SORBS2: variants seen among roughly 807,000 people sequenced by gnomAD.
The protein encoded by SORBS2 is sorbin and SH3 domain-containing protein 2.
In SORBS2, 46 loss-of-function variants were observed where a neutral mutation model predicts 97.7. The ratio of observed to expected loss-of-function variants is 0.47; its 90% CI spans 0.37 to 0.60. SORBS2 has a LOEUF of 0.60. Among genes scored for constraint, SORBS2 ranks in the 20% least tolerant of loss-of-function variants. The pLI, the probability that SORBS2 is intolerant of heterozygous loss-of-function variation, is 0.00. For synonymous variants in SORBS2, 476 were observed against 473.4 expected, an observed-to-expected ratio of 1.01 and a Z score of -0.07; for missense variants, 1,316 against 1,282.3, an observed-to-expected ratio of 1.03 and a Z score of -0.40.
intron 1 of SORBS2, among the ~76,000 whole-genome samples, chr4:185,880,475 T>C (rs1477617430): frequency 2.0e-5 from 3 of 152,212 alleles, no homozygotes; most frequent in South Asian, 2.1e-4. Flanking sequence ...AGAAATAAAG[T>C]AATGAATGGT....
chr4:185,657,008 C>A (rs2097418201), upstream of SORBS2: 1 of 922,178 alleles, frequency 1.1e-6, no homozygotes, highest in Non-Finnish European at 1.3e-6. Context: ...ACATCTATTT[C>A]AAAAAACGAA....
chr4:185,818,618 A>G (rs2099194760), intron 1 of SORBS2, among the ~76,000 whole-genome samples: 1 of 152,048 alleles, frequency 6.6e-6, no homozygotes, highest in South Asian at 2.1e-4. Context: ...AGAGGTCAGG[A>G]GATCGAGACC....
intron 2 of SORBS2, among the ~76,000 whole-genome samples, chr4:185,738,267 C>T (rs2098700800): frequency 6.6e-6 from 1 of 152,160 alleles, no homozygotes; most frequent in Admixed American, 6.5e-5. Flanking sequence ...TGGCTGCTTT[C>T]GGGATTTTCT....
At chr4:185,706,978 AC>A (rs1562031184) in intron 2 of SORBS2, among the ~76,000 whole-genome samples, 3 of 152,146 alleles carry the variant, frequency 2.0e-5, no homozygotes, top group Admixed American at 1.3e-4. Context: ...ACACGTATGT[AC>A]ATGTTTCTTA....
intron 1 of SORBS2, among the ~76,000 whole-genome samples, chr4:185,825,907 T>G (rs2099199518): frequency 6.6e-6 from 1 of 152,208 alleles, no homozygotes; most frequent in African/African-American, 2.4e-5. Flanking sequence ...GGCTCAAGAC[T>G]TCCTCACTCG....
intron 1 of SORBS2, among the ~76,000 whole-genome samples, chr4:185,952,983 C>G (rs1270566224): frequency 6.6e-6 from 1 of 152,028 alleles, no homozygotes; most frequent in Non-Finnish European, 1.5e-5. Context: ...ACTTGTAGGT[C>G]TCTCTGTGGG....
intron 4 of SORBS2, chr4:185,677,160 T>A (rs1251393404): frequency 6.4e-7 from 1 of 1,551,732 alleles, no homozygotes; most frequent in Non-Finnish European, 8.7e-7. Flanking sequence ...AGATGCTGTG[T>A]GTGTCTCAGG....
intron 1 of SORBS2, among the ~76,000 whole-genome samples, chr4:185,831,360 G>A (rs1283916987): frequency 6.6e-6 from 1 of 152,182 alleles, no homozygotes; most frequent in Non-Finnish European, 1.5e-5. Context: ...ATGCCCAGAC[G>A]AGGCAGCTAT....
intron 1 of SORBS2, among the ~76,000 whole-genome samples, chr4:185,885,681 T>A (rs2099239037): frequency 6.6e-6 from 1 of 152,210 alleles, no homozygotes. Context: ...ATAAAATATA[T>A]AACAATGCAT....
chr4:185,956,073 G>A (rs35735801), intron 1 of SORBS2: 101,810 of 152,094 alleles, frequency 0.67, 34,429 homozygotes, highest in East Asian at 0.95. Context: ...TTTTAAAGCT[G>A]GCACTCAGCC....
At chr4:185,609,161 T>G (rs2096489989) in intron 12 of SORBS2, among the ~76,000 whole-genome samples, 1 of 152,152 alleles carries the variant, frequency 6.6e-6, no homozygotes, top group African/African-American at 2.4e-5. Context: ...TGTTAAGTCC[T>G]GTAGATGCTG....
chr4:185,916,941 C>A lies in SORBS2; in HGVS notation c.-338+39255G>T, dbSNP rs894860634. On this transcript the variant is annotated intron_variant, in intron 1 of 20. Transcript: ENST00000284776. ...GTAGCTACAGGATGGGGCTGGGTAC[C>A]AGAAAGACCAAGCCAGGATTAGAGG... 2.6e-5 allele frequency among the ~76,000 whole-genome samples: 4 copies of A among 152,186 alleles called. No homozygotes were observed. In the East Asian group the frequency reaches 7.7e-4, roughly 29 times the overall value.
intron 1 of SORBS2, among the ~76,000 whole-genome samples, chr4:185,779,648 T>C (rs1347871858): frequency 6.6e-6 from 1 of 152,180 alleles, no homozygotes; most frequent in Non-Finnish European, 1.5e-5. Flanking sequence ...AGGAAGTAAA[T>C]GTAGTTTTCC....
In SORBS2 at chr4:185,684,215, C is replaced by T. The variant is rs1401864021; in HGVS notation, c.-197-5393G>A. 6.6e-6 allele frequency among the ~76,000 whole-genome samples: 1 copy of T among 152,186 alleles called. No individual in the cohort carries two copies. The highest frequency in any genetic ancestry group is 1.9e-4 in the East Asian group (1 of 5,196). On this transcript the variant is annotated intron_variant, in intron 2 of 20. Coordinates refer to the SORBS2 transcript ENST00000284776. The surrounding 1 kb of genome is among the most constrained non-coding windows in gnomAD (Gnocchi z 4.2). ...ACAGAGATTTATTAAAAAGAGACCA[C>T]CTGAGTGGATGCTGAAATCTCGCAC...
intron 2 of SORBS2, among the ~76,000 whole-genome samples, chr4:185,712,707 T>C (rs2098434414): frequency 6.6e-6 from 1 of 152,202 alleles, no homozygotes; most frequent in South Asian, 2.1e-4. Context: ...CTCCTGCCAG[T>C]GCCAAAGCGG....
At chr4:185,625,740 C>T (rs1028483203) in intron 6 of SORBS2, among the ~76,000 whole-genome samples, 2 of 152,190 alleles carry the variant, frequency 1.3e-5, no homozygotes, top group Admixed American at 6.5e-5. Context: ...ACGCCCTGAA[C>T]CATCAGCTGA....
intron 1 of SORBS2, among the ~76,000 whole-genome samples, chr4:185,942,177 T>C (rs1424054835): frequency 1.3e-5 from 2 of 152,052 alleles, no homozygotes; most frequent in Non-Finnish European, 2.9e-5. Context: ...AAAATTCCAG[T>C]TTTTCTTCCT....
At chr4:185,827,072 TCATCATCACCATCATCAC>T (rs1202155930) in intron 1 of SORBS2, among the ~76,000 whole-genome samples, 1 of 139,514 alleles carries the variant, frequency 7.2e-6, no homozygotes, top group Non-Finnish European at 1.6e-5. Flanking sequence ...ATCATCACCA[TCATCATCACCATCATCAC>T]CATCATCATC....
chr4:185,623,189 T>G lies in SORBS2; in HGVS notation c.1940A>C (p.Lys647Thr). 6.2e-7 allele frequency: 1 copy of G among 1,614,128 alleles called. No homozygotes were observed. The highest frequency in any genetic ancestry group is 8.5e-7 in the Non-Finnish European group (1 of 1,180,026). The change falls in exon 7 of 15, where the codon AAA becomes ACA. Residue 647 changes from lysine (K) to threonine (T), a missense_variant. Coordinates refer to ENST00000418609, the Ensembl canonical transcript of SORBS2. The surrounding 1 kb of genome is among the most constrained non-coding windows in gnomAD (Gnocchi z 6.4). The stretch of plus-strand genomic sequence containing the variant: ...CAAGCTCCCCCTTTTCTTTTCAGCT[T>G]TAATTTGGTCACAGATGTCTTTAAG...
Sources: gnomAD v4.1 joint callset for allele counts (sites outside exome capture counted in the v4.1 genomes callset) on GRCh38, gnomAD v4.1.1 for gene constraint, Gnocchi (gnomAD v3.1) non-coding constraint, MANE v1.5 for transcripts, NCBI Gene and HGNC (gene_info 2026-07-23, HGNC 2026-07-21) for gene names.